PCDHGB2: variants seen among roughly 807,000 people sequenced by gnomAD.
PCDHGB2 encodes protocadherin gamma-B2.
In PCDHGB2, 55 loss-of-function variants were observed where a neutral mutation model predicts 59.3. That is an observed-to-expected ratio of 0.93 (90% CI 0.75 to 1.16). PCDHGB2 has a LOEUF of 1.16. Among genes scored for constraint, PCDHGB2 ranks in the 50% most tolerant of loss-of-function variants. The pLI is 0.00. For missense variants in PCDHGB2, 1,228 were observed against 1,198.5 expected, an observed-to-expected ratio of 1.02 and a Z score of -0.36; for synonymous variants, 516 against 512.0, an observed-to-expected ratio of 1.01 and a Z score of -0.11.
intron 1 of PCDHGB2, chr5:141,364,663 G>A: frequency 6.2e-7 from 1 of 1,614,042 alleles, no homozygotes; most frequent in Non-Finnish European, 8.5e-7. Flanking sequence ...TCTTGGTTGA[G>A]AACAAAATGA....
chr5:141,495,010 G>A (rs1327870362), intron 2 of PCDHGB2, 145 bp downstream of exon 2: 6 of 1,516,970 alleles, frequency 4.0e-6, no homozygotes, highest in Non-Finnish European at 5.3e-6. Context: ...GTGTGCGGGG[G>A]GCTGGCACAC....
chr5:141,364,417 G>T, intron 1 of PCDHGB2: 1 of 1,613,362 alleles, frequency 6.2e-7, no homozygotes, highest in Non-Finnish European at 8.5e-7. Flanking sequence ...CAGGATCCGG[G>T]CAGATCCGCT....
intron 1 of PCDHGB2, chr5:141,403,389 C>A (rs764725441): frequency 1.9e-6 from 3 of 1,614,050 alleles, no homozygotes; most frequent in Non-Finnish European, 2.5e-6. Flanking sequence ...AACGAAATCG[C>A]GGTTCCTGGA....
chr5:141,389,649 G>T (rs760551875), intron 1 of PCDHGB2: 16 of 1,612,598 alleles, frequency 9.9e-6, no homozygotes, highest in Non-Finnish European at 1.4e-5. Flanking sequence ...GGTGACCAAG[G>T]TAGTGGCGGT....
rs765661515 is a variant in PCDHGB2 at position 141,398,665 on chromosome 5, T to C, written c.2421+36109T>C. The stretch of plus-strand genomic sequence containing the variant: ...ACTCTCTCTTAACCCAAGTTTCTCA[T>C]TAATAATTAAGGAGAAACAGGATGG... On this transcript the variant is annotated intron_variant, in intron 1 of 3. Transcript: ENST00000522605. 1.9e-6 allele frequency: 3 copies of C among 1,614,002 alleles called. No homozygotes were observed. In the South Asian group the frequency reaches 3.3e-5, roughly 18 times the overall value.
At chr5:141,474,871 A>G (rs894657981) in intron 1 of PCDHGB2, among the ~76,000 whole-genome samples, 5 of 152,236 alleles carry the variant, frequency 3.3e-5, no homozygotes, top group African/African-American at 1.2e-4. Context: ...ATAGGATAGG[A>G]GCAGGAACTC....
intron 1 of PCDHGB2, among the ~76,000 whole-genome samples, chr5:141,387,169 T>C (rs1428422324): frequency 4.6e-5 from 7 of 152,140 alleles, no homozygotes; most frequent in East Asian, 1.9e-4. Flanking sequence ...TAAGTATAAA[T>C]TGCACCTTCT....
rs1292946472 is a variant in PCDHGB2 at position 141,382,951 on chromosome 5, A to G, written c.2421+20395A>G. 2 of 1,600,898 alleles carry G rather than the reference A, an allele frequency of 1.2e-6. No homozygotes were observed. The highest frequency in any genetic ancestry group is 1.7e-6 in the Non-Finnish European group (2 of 1,171,390). On this transcript the variant is annotated intron_variant, in intron 1 of 3. Coordinates refer to ENST00000522605, the MANE Select transcript of PCDHGB2 (RefSeq NM_018923.3). ...CTACAGAGGATTCTTCCTGCTCTCCATCCTCCTGGGGACCCCCTGGGAAGC... is the reference window on the plus strand; with the variant it reads ...CTACAGAGGATTCTTCCTGCTCTCCGTCCTCCTGGGGACCCCCTGGGAAGC...
intron 2 of PCDHGB2, among the ~76,000 whole-genome samples, chr5:141,501,334 C>T (rs1462003251): frequency 6.9e-6 from 1 of 145,376 alleles, no homozygotes; most frequent in Non-Finnish European, 1.5e-5. Context: ...CACACACACA[C>T]CCCAAACTCA....
intron 1 of PCDHGB2, chr5:141,390,092 G>A (rs1469999630): frequency 1.9e-6 from 3 of 1,613,918 alleles, no homozygotes; most frequent in African/African-American, 2.7e-5. Context: ...CCGAATCCGT[G>A]GTTCCCCCCA....
chr5:141,412,154 A>G (rs528810323), intron 1 of PCDHGB2: 1 of 152,344 alleles, frequency 6.6e-6, no homozygotes, highest in Admixed American at 6.5e-5. Flanking sequence ...ACTGCCTAAG[A>G]GAAGAGATTA....
Position 141,362,451 on chromosome 5 carries a change from G to A in PCDHGB2, c.2316G>A (p.Pro772=), listed in dbSNP as rs1762506197. The A allele has an allele frequency of 4.3e-6, 7 of 1,613,994 alleles. No homozygotes were observed. The highest frequency in any genetic ancestry group is 1.1e-5 in the South Asian group (1 of 91,084). ...AGTTCAATTTTCTGAACATAACCCC[G>A]GAATTGGTTCCCGCGCAAGATCTCG... ...KTEFNFLNIT[P]ELVPAQDLVC... Residue 772 remains proline (P), a synonymous_variant, in exon 1 of 4, where the codon CCG becomes CCA. Transcript: ENST00000522605.
chr5:141,389,871 G>C (rs199638280), intron 1 of PCDHGB2: 297 of 1,614,056 alleles, frequency 1.8e-4, no homozygotes, highest in Non-Finnish European at 2.3e-4. Context: ...CCTGGTCTTC[G>C]CCGACAGCTT....
rs369141362 is a variant in PCDHGB2 at position 141,404,800 on chromosome 5, C to T, written c.2421+42244C>T. The T allele has an allele frequency of 1.8e-5, 29 of 1,613,852 alleles. No homozygotes were observed. The Admixed American group carries it at 3.3e-4, about 19-fold the overall frequency. On this transcript the variant is annotated intron_variant, in intron 1 of 3. Transcript: ENST00000522605. ...TATTCAAGGCCAGTGAGCCAGGGCT[C>T]TTCTCGGTGGGGCTGCACACAGGTG... is the stretch of plus-strand genomic sequence containing the variant.
At chr5:141,398,895 A>G (rs2093721929) in intron 1 of PCDHGB2, 3 of 1,613,988 alleles carry the variant, frequency 1.9e-6, no homozygotes, top group African/African-American at 1.3e-5. Flanking sequence ...AAAACGTGCC[A>G]CCAGGCACCA....
At chr5:141,507,611 A>G (rs2099862056) in intron 3 of PCDHGB2, among the ~76,000 whole-genome samples, 1 of 152,258 alleles carries the variant, frequency 6.6e-6, no homozygotes, top group South Asian at 2.1e-4. Flanking sequence ...AAACAGGTAT[A>G]TTTAGCTGTT....
intron 1 of PCDHGB2, chr5:141,405,545 A>G (rs952875482): frequency 1.6e-6 from 1 of 631,162 alleles, no homozygotes; most frequent in South Asian, 2.0e-5. Flanking sequence ...TCAGCCTCCC[A>G]AGTAGAGTAG....
chr5:141,390,573 C>T, intron 1 of PCDHGB2: 2 of 381,276 alleles, frequency 5.2e-6, no homozygotes, highest in Non-Finnish European at 9.4e-6. Context: ...TGGCTCTCTC[C>T]TAAAAAGTGA....
intron 2 of PCDHGB2, among the ~76,000 whole-genome samples, chr5:141,495,279 G>C (rs72790069): frequency 0.027 from 4,092 of 152,256 alleles, 88 homozygotes; most frequent in Middle Eastern, 0.048. Flanking sequence ...CGGAGGAGGC[G>C]GTCCGCACTC....
Sources: gnomAD v4.1 joint callset for allele counts (sites outside exome capture counted in the v4.1 genomes callset) on GRCh38, gnomAD v4.1.1 for gene constraint, MANE v1.5 for transcripts, NCBI Gene and HGNC (gene_info 2026-07-23, HGNC 2026-07-21) for gene names.